Variants in IL1RAPL2 observed in about 807,000 individuals in gnomAD.
IL1RAPL2 encodes interleukin 1 receptor accessory protein like 2, also known as X-linked interleukin-1 receptor accessory protein-like 2.
In IL1RAPL2, 3 loss-of-function variants were observed where a neutral mutation model predicts 44.1. The ratio of observed to expected loss-of-function variants is 0.07; its 90% CI spans 0.03 to 0.18. IL1RAPL2 has a LOEUF of 0.18. Among genes scored for constraint, IL1RAPL2 ranks in the 10% least tolerant of loss-of-function variants. IL1RAPL2 has a pLI of 1.00. For synonymous variants in IL1RAPL2, 181 were observed against 178.8 expected (o/e 1.01, Z -0.10); for missense variants, 391 against 496.4 (o/e 0.79, Z 2.02).
intron 2 of IL1RAPL2, among the ~76,000 whole-genome samples, chrX:104,836,740 A>G (rs1367555520): frequency 1.8e-5 from 2 of 110,962 alleles, no homozygotes; most frequent in Non-Finnish European, 3.8e-5. Context: ...TTATTTTTTT[A>G]CTTTAAGTTC....
intron 2 of IL1RAPL2, among the ~76,000 whole-genome samples, chrX:104,912,613 A>C (rs898201294): frequency 1.1e-4 from 12 of 111,689 alleles, no homozygotes; most frequent in Non-Finnish European, 1.9e-4. Context: ...AGGTAGGAAA[A>C]ATACTTATTT....
rs757895853 is a variant in IL1RAPL2, at chrX:105,745,637, A to G, written c.1049-3323A>G. 8.1e-5 allele frequency among the ~76,000 whole-genome samples: 9 copies of G among 110,947 alleles called. No homozygotes were observed. In the East Asian group the frequency reaches 2.6e-3, roughly 32 times the overall value. ...AACAGGCCCCATTTATGAAAGTTCT[A>G]CCCTCATGATCTAATCACCTCTCAC... On this transcript the variant is annotated intron_variant, in intron 8 of 10. Transcript: ENST00000372582.
Position 105,532,683 on chromosome X carries a change from T to A in IL1RAPL2, c.772+48296T>A, listed in dbSNP as rs940135015. ...AAAGTTTTATACCTTTCCTTATCCC[T>A]TTCACCTCATGCCTGTCTACTTCCT... is the stretch of plus-strand genomic sequence containing the variant. On this transcript the variant is annotated intron_variant, in intron 6 of 10. Coordinates refer to ENST00000372582, the MANE Select transcript of IL1RAPL2 (RefSeq NM_017416.2). Among the ~76,000 whole-genome samples, 4 of 111,177 alleles carry A rather than the reference T, an allele frequency of 3.6e-5. No individual in the cohort carries two copies. In the East Asian group the frequency reaches 1.1e-3, roughly 31 times the overall value.
intron 10 of IL1RAPL2, among the ~76,000 whole-genome samples, chrX:105,757,007 G>A (rs781704560): frequency 2.7e-5 from 3 of 110,760 alleles, no homozygotes; most frequent in Non-Finnish European, 5.7e-5. Flanking sequence ...ACATCTCCTC[G>A]ATCATGTCAC....
At chrX:105,596,467 C>T (rs1438164580) in intron 6 of IL1RAPL2, among the ~76,000 whole-genome samples, 1 of 110,566 alleles carries the variant, frequency 9.0e-6, no homozygotes, top group Non-Finnish European at 1.9e-5. Context: ...GTGAATTTTC[C>T]AGTTTTCCTC....
intron 1 of IL1RAPL2, among the ~76,000 whole-genome samples, chrX:104,619,128 C>T (rs1451000187): frequency 1.8e-5 from 2 of 112,127 alleles, no homozygotes; most frequent in African/African-American, 6.5e-5. Context: ...TTCCACAGTT[C>T]TGGCTGTGGA....
intron 5 of IL1RAPL2, among the ~76,000 whole-genome samples, chrX:105,420,773 T>C (rs1032475615): frequency 1.8e-5 from 2 of 111,249 alleles, no homozygotes; most frequent in Admixed American, 1.9e-4. Flanking sequence ...TATTGGGAAG[T>C]GTGAGAAATT....
chrX:104,843,020 C>T (rs1324667866), intron 2 of IL1RAPL2, among the ~76,000 whole-genome samples: 1 of 112,308 alleles, frequency 8.9e-6, no homozygotes. Context: ...CGGCCTTCCC[C>T]CTAGGTGCTC....
chrX:104,790,372 G>A (rs956279470), intron 2 of IL1RAPL2, among the ~76,000 whole-genome samples: 2 of 111,105 alleles, frequency 1.8e-5, no homozygotes, highest in Admixed American at 9.6e-5. Flanking sequence ...TCAACTTGGT[G>A]TCTTTTTGTT....
intron 1 of IL1RAPL2, among the ~76,000 whole-genome samples, chrX:104,572,869 C>T (rs7883645): frequency 0.028 from 3,175 of 112,221 alleles, 130 homozygotes; most frequent in African/African-American, 0.098. Flanking sequence ...CCCAAAGTGC[C>T]GCGGTTACAG....
intron 5 of IL1RAPL2, among the ~76,000 whole-genome samples, chrX:105,378,894 A>G (rs1179001238): frequency 8.9e-6 from 1 of 112,077 alleles, no homozygotes; most frequent in Non-Finnish European, 1.9e-5. Context: ...GAGCATCACA[A>G]TAGACATTGT....
At chrX:104,846,746 G>A (rs1291274075) in intron 2 of IL1RAPL2, among the ~76,000 whole-genome samples, 1 of 111,952 alleles carries the variant, frequency 8.9e-6, no homozygotes, top group Non-Finnish European at 1.9e-5. Context: ...GGTATTTGTA[G>A]TTCTGGATCC....
intron 2 of IL1RAPL2, among the ~76,000 whole-genome samples, chrX:104,679,738 C>G (rs749267072): frequency 6.3e-5 from 7 of 111,601 alleles, no homozygotes; most frequent in African/African-American, 2.3e-4. Flanking sequence ...ATTATTTATG[C>G]TGCTTTGAAT....
Position 104,569,483 on chromosome X carries a change from G to A in IL1RAPL2, c.-20+2432G>A, listed in dbSNP as rs73243887. Among the ~76,000 whole-genome samples the A allele has an allele frequency of 4.4e-3, 492 of 112,026 alleles. 1 individual carries two copies. The highest frequency in any genetic ancestry group is 7.9e-3 in the Non-Finnish European group (421 of 53,249). On this transcript the variant is annotated intron_variant, in intron 1 of 10. Coordinates refer to ENST00000372582, the MANE Select transcript of IL1RAPL2 (RefSeq NM_017416.2). Reference sequence around the variant, plus strand: ...AATAGAGTCCATACACACATATGCTGCTTATTAGGGTGAACTGATGGTGAG... The same window carrying A: ...AATAGAGTCCATACACACATATGCTACTTATTAGGGTGAACTGATGGTGAG...
rs773114120 is a variant in IL1RAPL2, at chrX:104,941,023, G to A, written c.83-254452G>A. 1.0e-4 allele frequency among the ~76,000 whole-genome samples: 11 copies of A among 109,481 alleles called. No individual in the cohort carries two copies. The South Asian group carries it at 4.5e-3, about 44-fold the overall frequency. ...TAGTTTGCTCCATGTCCCTACAAAG[G>A]ACATGAACTTATCCTTTTTTATGGC... On this transcript the variant is annotated intron_variant, in intron 2 of 10. Coordinates refer to ENST00000372582, the MANE Select transcript of IL1RAPL2 (RefSeq NM_017416.2).
At chrX:105,509,909 T>C (rs1021717474) in intron 6 of IL1RAPL2, among the ~76,000 whole-genome samples, 2 of 111,819 alleles carry the variant, frequency 1.8e-5, no homozygotes, top group African/African-American at 6.5e-5. Flanking sequence ...TGGTGGTTCA[T>C]GCCTGTAATC....
At chrX:104,768,175 T>G (rs1932586778) in intron 2 of IL1RAPL2, among the ~76,000 whole-genome samples, 1 of 111,405 alleles carries the variant, frequency 9.0e-6, no homozygotes, top group African/African-American at 3.3e-5. Context: ...ATCCACTCAG[T>G]GATTTTCAAG....
intron 2 of IL1RAPL2, among the ~76,000 whole-genome samples, chrX:104,706,888 T>A (rs1396483517): frequency 5.4e-5 from 6 of 111,819 alleles, no homozygotes; most frequent in African/African-American, 1.6e-4. Flanking sequence ...CAGATTCATA[T>A]ATATTGGTGC....
At chrX:105,671,086 A>C (rs2037821024) in intron 6 of IL1RAPL2, among the ~76,000 whole-genome samples, 1 of 110,373 alleles carries the variant, frequency 9.1e-6, no homozygotes, top group Non-Finnish European at 1.9e-5. Flanking sequence ...AGCTGGGATT[A>C]CAGGCACCCA....
Sources: gnomAD v4.1 joint callset for allele counts (sites outside exome capture counted in the v4.1 genomes callset) on GRCh38, gnomAD v4.1.1 for gene constraint, MANE v1.5 for transcripts, NCBI Gene and HGNC (gene_info 2026-07-23, HGNC 2026-07-21) for gene names.